The following GAS5 variants were observed in gnomAD, a reference collection of about 807,000 sequenced individuals.
GAS5 encodes growth arrest specific 5 (non-protein coding).
exon 5 of GAS5, chr1:173,865,889 C>T (rs1654518644): frequency 1.9e-6 from 1 of 518,674 alleles, no homozygotes; most frequent in Non-Finnish European, 3.8e-6. Flanking sequence ...GCAAGTTGGA[C>T]TCCACCTAAG....
chr1:173,867,930 A>C (rs1572036290), upstream of GAS5: 1 of 358,964 alleles, frequency 2.8e-6, no homozygotes, highest in Non-Finnish European at 5.5e-6. Flanking sequence ...GCGCCCCAAA[A>C]CCCGCAACAT....
chr1:173,866,323 A>G, intron 3 of GAS5: 1 of 519,912 alleles, frequency 1.9e-6, no homozygotes, highest in Non-Finnish European at 3.8e-6. Context: ...CAGATAGTAC[A>G]TCTCTTCATG....
intron 6 of GAS5, chr1:173,865,395 T>TC (rs1654414755): frequency 1.9e-6 from 1 of 516,186 alleles, no homozygotes; most frequent in Non-Finnish European, 3.9e-6. Context: ...TCAGAGAGAT[T>TC]CCCATCTGCT....
exon 5 of GAS5, chr1:173,865,893 A>C: frequency 1.9e-6 from 1 of 518,918 alleles, no homozygotes; most frequent in Non-Finnish European, 3.8e-6. Flanking sequence ...GTTGGACTCC[A>C]CCTAAGAAAT....
At chr1:173,866,821 A>C (rs1174389201) in intron 1 of GAS5, 2 of 765,246 alleles carry the variant, frequency 2.6e-6, no homozygotes, top group South Asian at 1.3e-5. Flanking sequence ...GATGCAAGCA[A>C]AACAGTGAGA....
At chr1:173,866,496 A>G (rs1051440293) in intron 3 of GAS5, 11 of 668,738 alleles carry the variant, frequency 1.6e-5, no homozygotes, top group Middle Eastern at 4.9e-4. Context: ...TAATCCCTTA[A>G]AAGTGAGAAG....
At chr1:173,868,927 C>G (rs1209572481), upstream of GAS5, 1 of 152,720 alleles carries the variant, frequency 6.5e-6, no homozygotes, top group Non-Finnish European at 1.5e-5. Context: ...TTTTACAGCT[C>G]TCACCCCTCC....
At chr1:173,866,159 G>GGATA in intron 4 of GAS5, 1 of 474,774 alleles carries the variant, frequency 2.1e-6, no homozygotes, top group South Asian at 1.5e-5. Flanking sequence ...CTGCTTACTT[G>GGATA]GATACAGTTT....
chr1:173,866,663 T>A (rs756215661), intron 2 of GAS5: 28 of 764,614 alleles, frequency 3.7e-5, no homozygotes, highest in Admixed American at 2.2e-4. Context: ...GTGGTTAAGA[T>A]CCTCATCATT....
chr1:173,865,307 C>T (rs1326443567), intron 6 of GAS5: 1 of 459,236 alleles, frequency 2.2e-6, no homozygotes, highest in Non-Finnish European at 4.4e-6. Flanking sequence ...TCTCCTTTAC[C>T]AATAGGTAGT....
At chr1:173,864,410 T>A (rs752355813) in intron 6 of GAS5, 3 of 519,078 alleles carry the variant, frequency 5.8e-6, no homozygotes, top group South Asian at 2.8e-5. Context: ...GTGATATCAT[T>A]ATATTTCATT....
intron 6 of GAS5, chr1:173,865,207 A>AT (rs1006837276): frequency 8.9e-6 from 3 of 336,410 alleles, no homozygotes; most frequent in African/African-American, 6.6e-5. Context: ...AAAAAAAAAA[A>AT]AAATACTTGG....
chr1:173,864,431 A>T, intron 6 of GAS5: 1 of 518,928 alleles, frequency 1.9e-6, no homozygotes, highest in South Asian at 1.4e-5. Context: ...TGGCAGAATC[A>T]TTACATCATT....
intron 6 of GAS5, chr1:173,865,375 A>G (rs1557870298): frequency 3.9e-6 from 2 of 515,466 alleles, no homozygotes; most frequent in South Asian, 1.4e-5. Context: ...ATTAATCTCC[A>G]TTTTCTTTCT....
exon 6 of GAS5, chr1:173,865,489 G>A (rs1654443797): frequency 2.0e-6 from 1 of 507,688 alleles, no homozygotes; most frequent in Non-Finnish European, 3.9e-6. Flanking sequence ...GGTATGACAG[G>A]AACTGTCTTC....
chr1:173,867,641 TAAC>T (rs747006529), upstream of GAS5: 9 of 518,990 alleles, frequency 1.7e-5, no homozygotes, highest in Admixed American at 9.7e-5. Flanking sequence ...TCACGGCCCT[TAAC>T]AATAGCTTAC....
At chr1:173,867,103 G>T, upstream of GAS5, 1 of 614,654 alleles carries the variant, frequency 1.6e-6, no homozygotes, top group Middle Eastern at 2.7e-4. Flanking sequence ...TTTAAAGAGT[G>T]TTCTTTAAAA....
intron 4 of GAS5, chr1:173,866,099 TAGG>T (rs1654564529): frequency 3.9e-6 from 2 of 513,228 alleles, no homozygotes; most frequent in Non-Finnish European, 7.8e-6. Flanking sequence ...CATTCAGCAC[TAGG>T]AGGTAACTAA....
intron 3 of GAS5, chr1:173,866,440 G>C (rs367850602): frequency 1.6e-6 from 1 of 608,474 alleles, no homozygotes; most frequent in Non-Finnish European, 3.1e-6. Context: ...GAAAAGAGGG[G>C]AGAGAAGCAC....
Sources: allele counts gnomAD v4.1 joint callset, GRCh38; gene constraint gnomAD v4.1.1; transcripts MANE v1.5; gene names NCBI Gene and HGNC (gene_info 2026-07-23, HGNC 2026-07-21).